The following FYN variants were observed in gnomAD, a reference collection of about 807,000 sequenced individuals.
FYN encodes FYN proto-oncogene, Src family tyrosine kinase, also known as tyrosine-protein kinase Fyn.
Under a neutral mutation model 70.2 loss-of-function variants are expected in FYN, and 10 were observed. The observed-to-expected ratio is 0.14, with a 90% CI of 0.09 to 0.24. FYN has a LOEUF of 0.24. Among genes scored for constraint, FYN ranks in the 10% least tolerant of loss-of-function variants. The probability of loss-of-function intolerance (pLI) is 1.00; values close to 1 mark genes in which losing one functional copy is unlikely to be tolerated. For synonymous variants in FYN, 236 were observed against 248.6 expected (o/e 0.95, Z 0.48); for missense variants, 319 against 673.1 (o/e 0.47, Z 5.82).
chr6:111,815,563 T>G (rs552629718), intron 2 of FYN, among the ~76,000 whole-genome samples: 1 of 152,338 alleles, frequency 6.6e-6, no homozygotes, highest in African/African-American at 2.4e-5. Context: ...TTCAAAATGC[T>G]GTACAGTCTT....
At chr6:111,677,900 C>G (rs753390285) in intron 12 of FYN, among the ~76,000 whole-genome samples, 2 of 152,100 alleles carry the variant, frequency 1.3e-5, no homozygotes, top group Non-Finnish European at 2.9e-5. Flanking sequence ...TTTTCTCCTC[C>G]TTGCATTTTA....
At position 111,661,572 on chromosome 6, in the gene FYN, GA is replaced by G; in HGVS notation, c.*166del. On this transcript the variant is annotated 3_prime_UTR_variant, in exon 14 of 14. Transcript: ENST00000354650. This position sits in a 1 kb window ranked among gnomAD's most constrained non-coding sequence, Gnocchi z 4.0. ...TTCACAGAGGAGGTTCGGATTTGGG[GA>G]CAAGTGTCATTAATGAGGGCCATGG... 1 of 634,290 alleles carries G rather than the reference GA, an allele frequency of 1.6e-6. No individual in the cohort carries two copies. Among genetic ancestry groups the G allele is most frequent in the Non-Finnish European group, 2.8e-6 (1 of 361,878 alleles). The allele number at this position is 634,290 out of a possible 1,614,324, so 39.3% of individuals were successfully genotyped here.
chr6:111,849,699 C>T (rs923937414), intron 1 of FYN, among the ~76,000 whole-genome samples: 3 of 152,078 alleles, frequency 2.0e-5, no homozygotes, highest in African/African-American at 4.8e-5. Flanking sequence ...AGGAAAGGGC[C>T]GAAAAAGAAA....
intron 12 of FYN, among the ~76,000 whole-genome samples, chr6:111,683,592 T>C (rs1042243641): frequency 3.3e-5 from 5 of 152,168 alleles, no homozygotes; most frequent in African/African-American, 4.8e-5. Flanking sequence ...ACTTCAACAA[T>C]AGACACTGTT....
chr6:111,688,906 A>G (rs1799171730), intron 12 of FYN, among the ~76,000 whole-genome samples: 2 of 152,220 alleles, frequency 1.3e-5, no homozygotes, highest in Admixed American at 1.3e-4. Flanking sequence ...CAAAGTGGTG[A>G]CTGCCCAGAT....
intron 3 of FYN, among the ~76,000 whole-genome samples, chr6:111,772,802 G>T (rs1181050223): frequency 2.6e-5 from 3 of 113,380 alleles, no homozygotes; most frequent in African/African-American, 6.8e-5. Context: ...TGAAGGAAAA[G>T]TTATCAACCA....
chr6:111,864,640 G>C (rs1362734697), intron 1 of FYN, among the ~76,000 whole-genome samples: 1 of 152,134 alleles, frequency 6.6e-6, no homozygotes, highest in Admixed American at 6.5e-5. Flanking sequence ...GAGGCAGTAG[G>C]TTTTGAGGGG....
intron 3 of FYN, among the ~76,000 whole-genome samples, chr6:111,739,826 T>C (rs994648179): frequency 3.9e-5 from 6 of 152,180 alleles, no homozygotes; most frequent in African/African-American, 1.4e-4. Flanking sequence ...GACAATCTTT[T>C]GTTGTTGTTG....
chr6:111,787,223 A>G (rs1771426747), intron 2 of FYN, among the ~76,000 whole-genome samples: 1 of 152,148 alleles, frequency 6.6e-6, no homozygotes, highest in East Asian at 1.9e-4. Context: ...TCTTTAATTC[A>G]TCTTGAATTA....
At chr6:111,752,583 T>A (rs1408606986) in intron 3 of FYN, among the ~76,000 whole-genome samples, 1 of 152,116 alleles carries the variant, frequency 6.6e-6, no homozygotes, top group Non-Finnish European at 1.5e-5. Flanking sequence ...AAGATGGGCA[T>A]CAGGGAGGCA....
intron 2 of FYN, among the ~76,000 whole-genome samples, chr6:111,810,452 G>A (rs1325462265): frequency 6.6e-6 from 1 of 152,160 alleles, no homozygotes; most frequent in Non-Finnish European, 1.5e-5. Flanking sequence ...TATTGAAAGT[G>A]CAAACACTTT....
chr6:111,774,772 G>A (rs1417938612), intron 3 of FYN, among the ~76,000 whole-genome samples: 2 of 152,094 alleles, frequency 1.3e-5, no homozygotes, highest in African/African-American at 2.4e-5. Context: ...AGGCTGGAGT[G>A]CAGTGACGTG....
intron 2 of FYN, among the ~76,000 whole-genome samples, chr6:111,813,572 C>A (rs1772392412): frequency 6.6e-6 from 1 of 152,140 alleles, no homozygotes; most frequent in Non-Finnish European, 1.5e-5. Context: ...GTATTGAGTG[C>A]TGTGGTTAAG....
At chr6:111,713,612 T>G (rs1404664274) in intron 5 of FYN, among the ~76,000 whole-genome samples, 1 of 152,044 alleles carries the variant, frequency 6.6e-6, no homozygotes, top group Non-Finnish European at 1.5e-5. Context: ...TGCCTCAATC[T>G]AATAGAGGCA....
chr6:111,838,248 C>A (rs1325353844), intron 2 of FYN, among the ~76,000 whole-genome samples: 3 of 152,176 alleles, frequency 2.0e-5, no homozygotes, highest in African/African-American at 7.2e-5. Flanking sequence ...CTACTAACAT[C>A]AATGAGGACA....
At chr6:111,798,661 C>T (rs954632116) in intron 2 of FYN, among the ~76,000 whole-genome samples, 7 of 151,372 alleles carry the variant, frequency 4.6e-5, no homozygotes, top group Non-Finnish European at 8.8e-5. Flanking sequence ...GGGCTCTGAC[C>T]CTTCCTGGAT....
chr6:111,672,101 C>A (rs1228015837), intron 13 of FYN, among the ~76,000 whole-genome samples: 2 of 152,202 alleles, frequency 1.3e-5, no homozygotes, highest in Non-Finnish European at 2.9e-5. Flanking sequence ...GGCTCTCGGC[C>A]ACCCTTCCAG....
chr6:111,814,577 A>G (rs1041049749), intron 2 of FYN, among the ~76,000 whole-genome samples: 18 of 152,166 alleles, frequency 1.2e-4, no homozygotes, highest in Non-Finnish European at 2.6e-4. Flanking sequence ...TATACATAGT[A>G]TAGAATAATA....
At chr6:111,802,789 AAAT>A (rs76926631) in intron 2 of FYN, among the ~76,000 whole-genome samples, 33 of 142,848 alleles carry the variant, frequency 2.3e-4, no homozygotes, top group African/African-American at 4.8e-4. Context: ...AAAAAAAAAA[AAAT>A]TCATTGGATT....
Sources: allele counts gnomAD v4.1 joint callset (sites outside exome capture counted in the v4.1 genomes callset), GRCh38; gene constraint gnomAD v4.1.1; non-coding constraint Gnocchi (gnomAD v3.1); transcripts MANE v1.5; gene names NCBI Gene and HGNC (gene_info 2026-07-23, HGNC 2026-07-21).